The following MTERF3 variants were observed in gnomAD, a reference collection of about 807,000 sequenced individuals.
The protein encoded by MTERF3 is transcription termination factor 3, mitochondrial.
MTERF3 carries 40 observed loss-of-function variants against 40.5 expected under a neutral mutation model. That is an observed-to-expected ratio of 0.99 (90% confidence interval 0.77 to 1.29). MTERF3 has a LOEUF of 1.29. Among genes scored for constraint, MTERF3 ranks in the 50% most tolerant of loss-of-function variants. The pLI is 0.00. For synonymous variants in MTERF3, 158 were observed against 166.6 expected (o/e 0.95, Z 0.40); for missense variants, 452 against 478.2 (o/e 0.95, Z 0.51).
chr8:96,239,669 A>G lies in MTERF3; in HGVS notation c.1076T>C (p.Leu359Pro). The change falls in exon 8 of 8, where the codon CTG becomes CCG. Residue 359 changes from leucine (L) to proline (P), a missense_variant. Transcript: ENST00000287025. ...CAAGTGTCTTTCTTTGACCTTAAAC[A>G]GCCTTGTATTAAATACCTAGAAAAG... ...VKFPQVFNTR[L>P]FKVKERHLFL... The G allele has an allele frequency of 6.3e-7, 1 of 1,586,484 alleles. No individual in the cohort carries two copies. The highest frequency in any genetic ancestry group is 1.2e-5 in the South Asian group (1 of 86,172).
At chr8:96,250,616 A>G (rs541866024) in intron 4 of MTERF3, among the ~76,000 whole-genome samples, 62 of 4,044 alleles carry the variant, frequency 0.015, no homozygotes, top group South Asian at 0.096. Flanking sequence ...AGGCTGAGGC[A>G]GAAGAAGAAG....
chr8:96,250,987 C>A lies in MTERF3; in HGVS notation c.596G>T (p.Gly199Val). 1 of 1,607,724 alleles carries A rather than the reference C, an allele frequency of 6.2e-7. No homozygotes were observed. The highest frequency in any genetic ancestry group is 8.5e-7 in the Non-Finnish European group (1 of 1,178,504). ...TGCTCCCAGTTGGTTATCCTCTATA[C>A]CCACATCTTTAAGAAACAGAAGCAT... Reference protein sequence around the residue: ...KQMLLFLKDVGIEDNQLGAFL... With the variant: ...KQMLLFLKDVVIEDNQLGAFL... The change falls in exon 4 of 8, where the codon GGT (glycine) becomes GTT (valine). Residue 199 changes from glycine (G) to valine (V), a missense_variant. Coordinates refer to ENST00000287025, the MANE Select transcript of MTERF3 (RefSeq NM_015942.5).
In MTERF3 at chr8:96,239,497, C is replaced by A; in HGVS notation, c.1248G>T (p.Thr416=). Residue 416 remains threonine, a synonymous_variant, in exon 8 of 8, where the codon ACG becomes ACT. Transcript: ENST00000287025. ...SVQDFEKFLK[T]L is the part of the protein sequence containing the mutation. ...TTTTAACATACATAAAAATCTAAAGCGTTTTTAAGAATTTTTCAAAGTCCT... is the reference window on the plus strand; with the variant it reads ...TTTTAACATACATAAAAATCTAAAGAGTTTTTAAGAATTTTTCAAAGTCCT... 6.3e-7 allele frequency: 1 copy of A among 1,588,198 alleles called. No individual in the cohort carries two copies. Among genetic ancestry groups the A allele is most frequent in the East Asian group, 2.2e-5 (1 of 44,596 alleles).
At chr8:96,256,508 A>G (rs1019590706) in intron 3 of MTERF3, among the ~76,000 whole-genome samples, 2 of 152,242 alleles carry the variant, frequency 1.3e-5, no homozygotes, top group African/African-American at 2.4e-5. Flanking sequence ...AAAGTTGTAC[A>G]GGAAGGTAAA....
chr8:96,243,911 G>C lies in MTERF3; in HGVS notation c.1059+8C>G. The C allele has an allele frequency of 6.2e-7, 1 of 1,613,156 alleles. No homozygotes were observed. The highest frequency in any genetic ancestry group is 2.2e-5 in the East Asian group (1 of 44,856). ...AGCGCTTACAGAGAGAGCTGTGAGT[G>C]GCATTACCTGTGGGAACTTGACAAT... is the stretch of plus-strand genomic sequence containing the variant. On this transcript the variant is annotated splice_region_variant and intron_variant, in intron 7 of 7. Coordinates refer to ENST00000287025, the MANE Select transcript of MTERF3 (RefSeq NM_015942.5).
intron 7 of MTERF3, among the ~76,000 whole-genome samples, chr8:96,241,594 CATT>C (rs1473435007): frequency 6.6e-6 from 1 of 152,146 alleles, no homozygotes; most frequent in Non-Finnish European, 1.5e-5. Flanking sequence ...GTTACTCCAT[CATT>C]AGAGAGTTGT....
chr8:96,245,384 G>C (rs923390290), intron 6 of MTERF3, among the ~76,000 whole-genome samples: 6 of 152,176 alleles, frequency 3.9e-5, no homozygotes, highest in Non-Finnish European at 7.4e-5. Context: ...AATGAGAGCT[G>C]GCAATTGGGA....
chr8:96,245,810 T>C (rs1197366268), intron 6 of MTERF3, 50 bp downstream of exon 6: 1 of 1,528,906 alleles, frequency 6.5e-7, no homozygotes, highest in East Asian at 2.3e-5. Context: ...CTTCAGAGGA[T>C]TTTAACACTT....
intron 4 of MTERF3, among the ~76,000 whole-genome samples, chr8:96,246,940 G>GT (rs35694957): frequency 0.075 from 11,460 of 151,820 alleles, 461 homozygotes; most frequent in African/African-American, 0.084. Flanking sequence ...CATTTTTTAG[G>GT]TTAGTATATT....
At chr8:96,245,981 C>T (rs1164410161) in intron 5 of MTERF3, 50 bp from the exon 6 acceptor site, 48 of 1,524,550 alleles carry the variant, frequency 3.1e-5, no homozygotes, top group African/African-American at 4.2e-5. Flanking sequence ...GCATCTTTAA[C>T]TAGTTTGGAA....
rs973292775 is a variant in MTERF3, at chr8:96,243,741, C to A, written c.1059+178G>T. The stretch of plus-strand genomic sequence containing the variant: ...GTTGGCCTGATTCCAACAATCAGAA[C>A]TAGGACTAGGTAGAAACTCCAGGGA... On this transcript the variant is annotated intron_variant, in intron 7 of 7. Transcript: ENST00000287025. 2.0e-5 allele frequency among the ~76,000 whole-genome samples: 3 copies of A among 152,216 alleles called. No individual in the cohort carries two copies. The East Asian group carries it at 5.8e-4, about 29-fold the overall frequency.
Position 96,239,694 on chromosome 8 carries a change from GA to G in MTERF3, c.1060-10del, listed in dbSNP as rs754176923. On this transcript the variant is annotated splice_polypyrimidine_tract_variant and intron_variant, in intron 7 of 7. Transcript: ENST00000287025. ...AGCCTTGTATTAAATACCTAGAAAA[GA>G]AAAAAAAGTTTTTAAAAAACACTGC... 5 of 1,562,502 alleles carry G rather than the reference GA, an allele frequency of 3.2e-6. No homozygotes were observed. The highest frequency in any genetic ancestry group is 2.4e-5 in the South Asian group (2 of 83,474).
intron 4 of MTERF3, 104 bp from the exon 5 acceptor site, chr8:96,246,558 G>T: frequency 1.0e-6 from 1 of 995,586 alleles, no homozygotes; most frequent in Non-Finnish European, 1.4e-6. Context: ...TTTTAAAAAG[G>T]CTCCCACACC....
At chr8:96,246,243 G>T in intron 5 of MTERF3, 64 bp downstream of exon 5, 1 of 1,442,132 alleles carries the variant, frequency 6.9e-7, no homozygotes, top group South Asian at 1.3e-5. Flanking sequence ...CTGGGAACAT[G>T]AGATCTATCA....
At chr8:96,259,904 A>ATT (rs1563554011) in intron 1 of MTERF3, among the ~76,000 whole-genome samples, 1 of 150,944 alleles carries the variant, frequency 6.6e-6, no homozygotes, top group African/African-American at 2.4e-5. Context: ...TATTATTATT[A>ATT]TTATTATTAT....
In MTERF3 at chr8:96,257,039, G is replaced by C. The variant is rs1412427612; in HGVS notation, c.410C>G (p.Pro137Arg). The change falls in exon 3 of 8, where the codon CCT becomes CGT. Residue 137 changes from proline to arginine, a missense_variant. Coordinates refer to ENST00000287025, the MANE Select transcript of MTERF3 (RefSeq NM_015942.5). ...EEEAIQIIAD[P>R]PLPPASFTLR... is the part of the protein sequence containing the mutation. The stretch of plus-strand genomic sequence containing the variant: ...TGTGAATGAAGCTGGTGGCAATGGA[G>C]GGTCTGCAATAATCTGAATAGCCTC... 1 of 1,613,874 alleles carries C rather than the reference G, an allele frequency of 6.2e-7. No individual in the cohort carries two copies. The highest frequency in any genetic ancestry group is 8.5e-7 in the Non-Finnish European group (1 of 1,179,908).
intron 2 of MTERF3, chr8:96,257,348 C>G: frequency 2.8e-6 from 1 of 359,528 alleles, no homozygotes; most frequent in Non-Finnish European, 5.0e-6. Context: ...TCAAAGCACA[C>G]AATGCCTTTC....
intron 7 of MTERF3, chr8:96,239,932 T>G: frequency 1.5e-6 from 1 of 660,252 alleles, no homozygotes; most frequent in Non-Finnish European, 2.7e-6. Flanking sequence ...CAAAGAAGAT[T>G]GAGTGCTCCA....
chr8:96,244,554 C>T (rs1809988957), intron 6 of MTERF3, among the ~76,000 whole-genome samples: 3 of 151,902 alleles, frequency 2.0e-5, no homozygotes, highest in Admixed American at 6.6e-5. Context: ...GTGCCCACCA[C>T]CATGCCTGGC....
Sources: gnomAD v4.1 joint callset for allele counts (sites outside exome capture counted in the v4.1 genomes callset) on GRCh38, gnomAD v4.1.1 for gene constraint, MANE v1.5 for transcripts, NCBI Gene and HGNC (gene_info 2026-07-23, HGNC 2026-07-21) for gene names.